SLC36A3: variants seen among roughly 807,000 people sequenced by gnomAD.
The protein encoded by SLC36A3 is solute carrier family 36 member 3.
Under a neutral mutation model 44.3 loss-of-function variants are expected in SLC36A3, and 35 were observed. That is an observed-to-expected ratio of 0.79 (90% CI 0.60 to 1.05). The LOEUF is 1.05. Among genes scored for constraint, SLC36A3 ranks in the 50% least tolerant of loss-of-function variants. SLC36A3 has a pLI of 0.00. For missense variants in SLC36A3, 540 were observed against 578.7 expected (o/e 0.93, Z 0.69); for synonymous variants, 211 against 227.6 (o/e 0.93, Z 0.66).
In SLC36A3 at chr5:151,281,001, T is replaced by C; in HGVS notation, c.1144+13A>G. On this transcript the variant is annotated intron_variant, in intron 9 of 9. Transcript: ENST00000335230. ...ATAGCTTTGGGTAAAGAGTGCCCTT[T>C]TATGCTACTCACAGGTTAGACAGAC... The C allele has an allele frequency of 1.2e-6, 2 of 1,613,950 alleles. No individual in the cohort carries two copies. Among genetic ancestry groups the C allele is most frequent in the Non-Finnish European group, 1.7e-6 (2 of 1,179,930 alleles).
In SLC36A3 at chr5:151,303,320, A is replaced by G. The variant is rs762703548; in HGVS notation, c.35T>C (p.Leu12Pro). 7 of 1,614,106 alleles carry G rather than the reference A, an allele frequency of 4.3e-6. No individual in the cohort carries two copies. In the East Asian group the frequency reaches 1.1e-4, roughly 26 times the overall value. ...CTGAGGTCCGTTGTCCAAGGAGTTCAGCTCACTGTTGTAGTCCCTTCCAAG... is the reference window on the plus strand; with the variant it reads ...CTGAGGTCCGTTGTCCAAGGAGTTCGGCTCACTGTTGTAGTCCCTTCCAAG... ...SLLGRDYNSE[L>P]NSLDNGPQSP... Residue 12 changes from leucine (L) to proline (P), a missense_variant, in exon 1 of 10, where the codon CTG becomes CCG. Physicochemically the swap from Leu to Pro is moderately conservative, Grantham distance 98. Transcript: ENST00000335230.
intron 8 of SLC36A3, among the ~76,000 whole-genome samples, chr5:151,281,903 A>T (rs1754331103): frequency 6.6e-6 from 1 of 152,214 alleles, no homozygotes; most frequent in South Asian, 2.1e-4. Flanking sequence ...CATTCTTCCC[A>T]CCCTTGATTC....
At chr5:151,296,495 G>C (rs753041022) in intron 2 of SLC36A3, 3 of 584,516 alleles carry the variant, frequency 5.1e-6, no homozygotes, top group Non-Finnish European at 6.2e-6. Flanking sequence ...CAGTGACAGA[G>C]AGCTCATTAC....
At chr5:151,296,413 C>G (rs931886657) in intron 2 of SLC36A3, 145 bp from the exon 3 acceptor site, 42 of 676,480 alleles carry the variant, frequency 6.2e-5, no homozygotes, top group Non-Finnish European at 1.3e-5. Context: ...CTCATGCTCC[C>G]AGATGCTAGA....
chr5:151,286,449 T>C (rs1202041070), intron 6 of SLC36A3, among the ~76,000 whole-genome samples: 1 of 152,146 alleles, frequency 6.6e-6, no homozygotes, highest in Non-Finnish European at 1.5e-5. Flanking sequence ...CAAGCCATCA[T>C]GCCCCACTAA....
chr5:151,299,264 C>CTA lies in SLC36A3; in HGVS notation c.129-583_129-582dup, dbSNP rs66776978. Reference sequence around the variant, plus strand: ...TCTCTCTCTCTCTCTCTCTCTCTCTCTATATATATATATATATATATATAT... The same window carrying CTA: ...TCTCTCTCTCTCTCTCTCTCTCTCTCTATATATATATATATATATATATATAT... On this transcript the variant is annotated intron_variant, in intron 1 of 9. Coordinates refer to ENST00000335230, the MANE Select transcript of SLC36A3 (RefSeq NM_181774.4). Among the ~76,000 whole-genome samples the CTA allele has an allele frequency of 9.7e-3, 578 of 59,594 alleles. 3 individuals carry two copies. The highest frequency in any genetic ancestry group is 0.015 in the South Asian group (19 of 1,306). The allele number at this position is 59,594 out of a possible 152,430, so 39.1% of individuals were successfully genotyped here.
intron 1 of SLC36A3, among the ~76,000 whole-genome samples, chr5:151,299,777 A>G (rs925252955): frequency 6.6e-6 from 1 of 152,218 alleles, no homozygotes; most frequent in Non-Finnish European, 1.5e-5. Flanking sequence ...CTGCCAAAAA[A>G]GGGAGAAAAT....
intron 3 of SLC36A3, among the ~76,000 whole-genome samples, chr5:151,294,541 A>T (rs1355361828): frequency 6.6e-6 from 1 of 152,204 alleles, no homozygotes; most frequent in Non-Finnish European, 1.5e-5. Context: ...GCTCAGAAGC[A>T]GTCGGTTGTC....
intron 1 of SLC36A3, among the ~76,000 whole-genome samples, chr5:151,302,281 G>A (rs1199783845): frequency 1.3e-5 from 2 of 152,174 alleles, no homozygotes; most frequent in Non-Finnish European, 2.9e-5. Flanking sequence ...GGCATTTCCT[G>A]ATATCCTTAT....
At chr5:151,280,586 A>G (rs1015114224) in intron 9 of SLC36A3, among the ~76,000 whole-genome samples, 7 of 152,270 alleles carry the variant, frequency 4.6e-5, no homozygotes, top group Non-Finnish European at 1.0e-4. Context: ...TGGCACCATG[A>G]AAAACAGTTG....
At chr5:151,302,899 GAGA>G (rs34355511) in intron 1 of SLC36A3, among the ~76,000 whole-genome samples, 59,315 of 151,448 alleles carry the variant, frequency 0.39, 12,108 homozygotes, top group Admixed American at 0.49. Flanking sequence ...GATGTGTGAG[GAGA>G]AGAAGGCAGC....
chr5:151,288,213 T>C (rs1754617410), intron 5 of SLC36A3, among the ~76,000 whole-genome samples, 173 bp downstream of exon 5: 1 of 152,252 alleles, frequency 6.6e-6, no homozygotes, highest in Non-Finnish European at 1.5e-5. Context: ...TTAGCTCGTC[T>C]ATCCTTTCAA....
chr5:151,303,067 G>T (rs959277604), intron 1 of SLC36A3, among the ~76,000 whole-genome samples, 160 bp downstream of exon 1: 1 of 152,124 alleles, frequency 6.6e-6, no homozygotes, highest in African/African-American at 2.4e-5. Context: ...AGAGCCACAG[G>T]GATTGACCTC....
rs1580804133 is a variant in SLC36A3 at position 151,281,213 on chromosome 5, T to A, written c.975-30A>T. 5 of 1,578,074 alleles carry A rather than the reference T, an allele frequency of 3.2e-6. No individual in the cohort carries two copies. In the African/African-American group the frequency reaches 5.4e-5, roughly 17 times the overall value. Reference sequence around the variant, plus strand: ...AGACACATGAATTGGATGTGAAAGGTGATGTGGCTCCCCGGAAGGGCCATT... The same window carrying A: ...AGACACATGAATTGGATGTGAAAGGAGATGTGGCTCCCCGGAAGGGCCATT... On this transcript the variant is annotated intron_variant, in intron 8 of 9. Coordinates refer to ENST00000335230, the MANE Select transcript of SLC36A3 (RefSeq NM_181774.4).
chr5:151,280,828 C>T (rs965735186), intron 9 of SLC36A3, among the ~76,000 whole-genome samples, 186 bp downstream of exon 9: 9 of 152,202 alleles, frequency 5.9e-5, no homozygotes, highest in African/African-American at 1.2e-4. Flanking sequence ...ACGACTATAA[C>T]ATTTACTGTG....
chr5:151,276,785 C>G lies in SLC36A3; in HGVS notation c.*608G>C, dbSNP rs1754107152. On this transcript the variant is annotated 3_prime_UTR_variant, in exon 10 of 10. Coordinates refer to ENST00000335230, the MANE Select transcript of SLC36A3 (RefSeq NM_181774.4). ...TTGTGGTTGGTGGATAAGTTAATTT[C>G]TTTTATTCACTTTCAGAATATCAGA... 1 of 152,552 alleles carries G rather than the reference C, an allele frequency of 6.6e-6. No homozygotes were observed. The highest frequency in any genetic ancestry group is 2.4e-5 in the African/African-American group (1 of 41,442). The allele number at this position is 152,552 out of a possible 1,614,324, so 9.4% of individuals were successfully genotyped here. A position where few individuals can be genotyped will look rare whatever the true frequency, so the allele number is the denominator to read the frequency against.
rs1279738733 is a variant in SLC36A3 at position 151,284,079 on chromosome 5, G to GGT, written c.937_938dup (p.Gln314ProfsTer20). The GGT allele has an allele frequency of 1.9e-6, 3 of 1,613,488 alleles. No individual in the cohort carries two copies. The African/African-American group carries it at 4.0e-5, about 22-fold the overall frequency. The stretch of plus-strand genomic sequence containing the variant: ...GCAAGTTGAGGGTGATGCTGGCCTG[G>GGT]GTGTCTGACCCAAACTTCATGTAGC... On this transcript the variant is annotated frameshift_variant, in exon 8 of 10. Coordinates refer to ENST00000335230, the MANE Select transcript of SLC36A3 (RefSeq NM_181774.4). LOFTEE classifies it high-confidence loss of function.
intron 3 of SLC36A3, among the ~76,000 whole-genome samples, chr5:151,293,746 G>T (rs78605922): frequency 6.6e-6 from 1 of 152,248 alleles, no homozygotes; most frequent in Admixed American, 6.5e-5. Context: ...CAGGAAAGGG[G>T]ATATGGAGGG....
intron 6 of SLC36A3, among the ~76,000 whole-genome samples, chr5:151,286,198 C>A (rs1337182630): frequency 1.1e-4 from 17 of 152,186 alleles, no homozygotes; most frequent in African/African-American, 4.1e-4. Context: ...GTTCCTTGGT[C>A]TCCATGGGAG....
Sources: gnomAD v4.1 joint callset for allele counts (sites outside exome capture counted in the v4.1 genomes callset) on GRCh38, gnomAD v4.1.1 for gene constraint, MANE v1.5 for transcripts, NCBI Gene and HGNC (gene_info 2026-07-23, HGNC 2026-07-21) for gene names.